Variants in MTHFD1L observed in about 807,000 individuals in gnomAD.
MTHFD1L encodes the protein methylenetetrahydrofolate dehydrogenase (NADP+ dependent) 1 like.
MTHFD1L carries 81 observed loss-of-function variants against 119.5 expected under a neutral mutation model. The observed-to-expected ratio is 0.68, with a 90% confidence interval of 0.57 to 0.82. The LOEUF (loss-of-function observed/expected upper bound fraction) is 0.82, where lower values mean the gene tolerates loss of function less well. MTHFD1L is among the 40% of genes least tolerant of loss of function. MTHFD1L has a pLI of 0.00. For missense variants in MTHFD1L, 1,125 were observed against 1,253.4 expected, an observed-to-expected ratio of 0.90 and a Z score of 1.55; for synonymous variants, 430 against 475.2, an observed-to-expected ratio of 0.90 and a Z score of 1.24.
chr6:151,022,673 G>A (rs181526156), intron 24 of MTHFD1L, among the ~76,000 whole-genome samples: 1 of 152,070 alleles, frequency 6.6e-6, no homozygotes, highest in Non-Finnish European at 1.5e-5. Context: ...GACCTCCCCC[G>A]GCTCTCCCTC....
chr6:150,948,633 G>GTT (rs67396709), intron 15 of MTHFD1L, among the ~76,000 whole-genome samples: 35 of 149,414 alleles, frequency 2.3e-4, no homozygotes, highest in African/African-American at 6.4e-4. Context: ...CCAGTTTAGT[G>GTT]TTTTTTTTGT....
chr6:150,871,257 A>T (rs1005467301), intron 1 of MTHFD1L, among the ~76,000 whole-genome samples: 1 of 149,050 alleles, frequency 6.7e-6, no homozygotes, highest in South Asian at 2.1e-4. Context: ...GTTGATGGTT[A>T]TTGACTGATC....
chr6:151,037,136 C>T lies in MTHFD1L; in HGVS notation c.2847+19C>T. ...CGGAACGGTGAGTGAGTCACATTTT[C>T]CAAAAACCCTCCCCATTCTGCATTG... On this transcript the variant is annotated intron_variant, in intron 26 of 27. Coordinates refer to ENST00000367321, the MANE Select transcript of MTHFD1L (RefSeq NM_015440.5). 1.2e-6 allele frequency: 2 copies of T among 1,611,322 alleles called. No homozygotes were observed. The highest frequency in any genetic ancestry group is 1.3e-5 in the African/African-American group (1 of 74,944).
intron 26 of MTHFD1L, among the ~76,000 whole-genome samples, chr6:151,048,806 C>G (rs145589814): frequency 4.5e-4 from 69 of 152,322 alleles, no homozygotes; most frequent in African/African-American, 1.7e-3. Context: ...AAACAGCAAA[C>G]TGTTTTTCCC....
intron 1 of MTHFD1L, chr6:150,866,594 T>C (rs1185554239): frequency 1.6e-6 from 2 of 1,219,992 alleles, no homozygotes; most frequent in Non-Finnish European, 2.0e-6. Context: ...CCTGCTGGGC[T>C]GGGGTCTGTG....
intron 26 of MTHFD1L, among the ~76,000 whole-genome samples, chr6:151,053,859 C>CAA (rs202176337): frequency 1.2e-4 from 9 of 75,550 alleles, no homozygotes; most frequent in African/African-American, 3.1e-4. Context: ...GACTCCATCT[C>CAA]AAAAAAAAAA....
intron 17 of MTHFD1L, among the ~76,000 whole-genome samples, chr6:150,956,805 A>G (rs924900690): frequency 2.6e-5 from 4 of 152,212 alleles, no homozygotes; most frequent in South Asian, 2.1e-4. Context: ...CCTTACGCCA[A>G]ATAGACTTGT....
chr6:150,911,227 T>A (rs1036809579), intron 8 of MTHFD1L, among the ~76,000 whole-genome samples: 1 of 152,216 alleles, frequency 6.6e-6, no homozygotes, highest in Non-Finnish European at 1.5e-5. Context: ...GTTAATTTGG[T>A]TTCAGTGGTC....
chr6:151,030,873 T>C (rs767904515), intron 24 of MTHFD1L, among the ~76,000 whole-genome samples: 12 of 152,210 alleles, frequency 7.9e-5, no homozygotes, highest in Non-Finnish European at 1.6e-4. Context: ...CTTCAGCTAA[T>C]ATGAACATTG....
chr6:150,909,825 T>G (rs1019708923), intron 8 of MTHFD1L, among the ~76,000 whole-genome samples: 1 of 152,176 alleles, frequency 6.6e-6, no homozygotes, highest in African/African-American at 2.4e-5. Flanking sequence ...GATGCTGATG[T>G]GCTGGGGGTC....
At chr6:151,100,468 A>G (rs886843667) in intron 27 of MTHFD1L, among the ~76,000 whole-genome samples, 1 of 152,098 alleles carries the variant, frequency 6.6e-6, no homozygotes, top group African/African-American at 2.4e-5. Flanking sequence ...ATCTGGCTCC[A>G]GACCTCTCAG....
chr6:150,994,021 T>C (rs562377969), intron 20 of MTHFD1L, among the ~76,000 whole-genome samples: 80 of 126,026 alleles, frequency 6.3e-4, no homozygotes, highest in African/African-American at 2.5e-3. Context: ...TATTTGCAAA[T>C]GAGTCAGTTA....
intron 8 of MTHFD1L, among the ~76,000 whole-genome samples, chr6:150,913,391 T>G (rs1200520895): frequency 6.6e-6 from 1 of 152,030 alleles, no homozygotes; most frequent in African/African-American, 2.4e-5. Context: ...GGTCTCGATC[T>G]CCTGACCTGG....
At chr6:151,100,563 CA>C (rs1795287632) in intron 27 of MTHFD1L, among the ~76,000 whole-genome samples, 1 of 151,520 alleles carries the variant, frequency 6.6e-6, no homozygotes, top group South Asian at 2.1e-4. Flanking sequence ...TGTGTAAGTT[CA>C]GATTAAAGGC....
intron 15 of MTHFD1L, among the ~76,000 whole-genome samples, chr6:150,948,631 G>T (rs1280284477): frequency 1.5e-5 from 2 of 133,560 alleles, no homozygotes; most frequent in African/African-American, 5.0e-5. Flanking sequence ...GCCCAGTTTA[G>T]TGTTTTTTTT....
intron 26 of MTHFD1L, among the ~76,000 whole-genome samples, chr6:151,059,127 C>G (rs1790336650): frequency 6.6e-6 from 1 of 152,198 alleles, no homozygotes; most frequent in Non-Finnish European, 1.5e-5. Flanking sequence ...GCTCCCTTCC[C>G]CCTGAGGTGG....
chr6:151,053,419 A>G (rs1789394687), intron 26 of MTHFD1L, among the ~76,000 whole-genome samples: 1 of 152,162 alleles, frequency 6.6e-6, no homozygotes, highest in African/African-American at 2.4e-5. Flanking sequence ...AATAATAGAG[A>G]GTTTTTACTT....
rs1271223451 is a variant in MTHFD1L at position 150,926,511 on chromosome 6, C to CAGT, written c.1256+217_1256+219dup. On this transcript the variant is annotated intron_variant, in intron 11 of 27. Transcript: ENST00000367321. The surrounding 1 kb of genome is among the most constrained non-coding windows in gnomAD (Gnocchi z 4.3). ...ACACAAGATAAAGTCAAACAAGTTGCAGTGCTTTATCTTTTGTTTCTCATA... is the reference window on the plus strand; with the variant it reads ...ACACAAGATAAAGTCAAACAAGTTGCAGTAGTGCTTTATCTTTTGTTTCTCATA... Among the ~76,000 whole-genome samples the CAGT allele has an allele frequency of 1.7e-4, 26 of 152,192 alleles. No homozygotes were observed. The highest frequency in any genetic ancestry group is 1.6e-3 in the Admixed American group (25 of 15,272).
At position 150,943,963 on chromosome 6, in the gene MTHFD1L, C is replaced by T. The variant is rs1055588294; in HGVS notation, c.1441-523C>T. On this transcript the variant is annotated intron_variant, in intron 13 of 27. Transcript: ENST00000367321. ...TCTAGATAATAAAACAATGAATAAA[C>T]GTAGTGAGTGACTATAAGGAGATTC... Among the ~76,000 whole-genome samples the T allele has an allele frequency of 3.9e-5, 6 of 152,042 alleles. No individual in the cohort carries two copies. In the East Asian group the frequency reaches 5.8e-4, roughly 15 times the overall value.
Sources: allele counts gnomAD v4.1 joint callset (sites outside exome capture counted in the v4.1 genomes callset), GRCh38; gene constraint gnomAD v4.1.1; non-coding constraint Gnocchi (gnomAD v3.1); transcripts MANE v1.5; gene names NCBI Gene and HGNC (gene_info 2026-07-23, HGNC 2026-07-21).